LRRTM4: variants seen among roughly 807,000 people sequenced by gnomAD.
LRRTM4 encodes the protein leucine-rich repeat transmembrane neuronal protein 4.
LRRTM4 carries 25 observed loss-of-function variants against 47.6 expected under a neutral mutation model. That is an observed-to-expected ratio of 0.53 (90% CI 0.38 to 0.73). The LOEUF (loss-of-function observed/expected upper bound fraction) is 0.73. Among genes scored for constraint, LRRTM4 ranks in the 30% least tolerant of loss-of-function variants. LRRTM4 has a pLI of 0.00. For synonymous variants in LRRTM4, 311 were observed against 269.5 expected (o/e 1.15, Z -1.51); for missense variants, 638 against 713.4 (o/e 0.89, Z 1.20).
intron 3 of LRRTM4, among the ~76,000 whole-genome samples, chr2:77,262,144 G>C (rs1675934323): frequency 6.6e-6 from 1 of 152,060 alleles, no homozygotes; most frequent in Non-Finnish European, 1.5e-5. Context: ...CTACAGATGG[G>C]ACCGTCTAGT....
intron 3 of LRRTM4, among the ~76,000 whole-genome samples, chr2:77,213,899 A>G (rs1283560818): frequency 6.6e-6 from 1 of 152,100 alleles, no homozygotes; most frequent in East Asian, 1.9e-4. Flanking sequence ...ATATGGAATA[A>G]ATGTGGAACC....
chr2:77,503,877 T>G (rs988277900), intron 3 of LRRTM4, among the ~76,000 whole-genome samples: 5 of 151,628 alleles, frequency 3.3e-5, no homozygotes, highest in African/African-American at 9.7e-5. Context: ...TTTTAAAAAA[T>G]TATAAAATGT....
intron 3 of LRRTM4, among the ~76,000 whole-genome samples, chr2:77,478,541 A>T (rs1677526348): frequency 6.6e-6 from 1 of 152,212 alleles, no homozygotes. Flanking sequence ...AAATATTGAC[A>T]AACATTTAAT....
chr2:76,792,903 C>T (rs189811858), intron 3 of LRRTM4, among the ~76,000 whole-genome samples: 1 of 152,070 alleles, frequency 6.6e-6, no homozygotes, highest in East Asian at 1.9e-4. Flanking sequence ...TGAAAACCAT[C>T]GTTTCATATA....
At chr2:77,312,573 A>G (rs1438972802) in intron 3 of LRRTM4, among the ~76,000 whole-genome samples, 1 of 152,190 alleles carries the variant, frequency 6.6e-6, no homozygotes, top group Non-Finnish European at 1.5e-5. Flanking sequence ...TGAAACCTAT[A>G]CTTCAATTAG....
At chr2:77,089,184 C>G (rs185428836) in intron 3 of LRRTM4, among the ~76,000 whole-genome samples, 1 of 143,664 alleles carries the variant, frequency 7.0e-6, no homozygotes, top group Admixed American at 6.9e-5. Context: ...CTCTCCTTGT[C>G]TCTACCCCTT....
intron 3 of LRRTM4, among the ~76,000 whole-genome samples, chr2:77,480,724 C>A (rs1463557029): frequency 1.3e-5 from 2 of 151,390 alleles, no homozygotes; most frequent in Non-Finnish European, 2.9e-5. Context: ...ATGAGTCATG[C>A]AGCATCACTC....
At chr2:77,227,076 C>T (rs1237921279) in intron 3 of LRRTM4, among the ~76,000 whole-genome samples, 2 of 151,994 alleles carry the variant, frequency 1.3e-5, no homozygotes, top group Non-Finnish European at 1.5e-5. Context: ...AATAGCACTG[C>T]CACCTGGTTT....
chr2:76,773,618 T>A (rs1673811554), intron 3 of LRRTM4, among the ~76,000 whole-genome samples: 1 of 151,630 alleles, frequency 6.6e-6, no homozygotes, highest in Admixed American at 6.6e-5. Flanking sequence ...CAACTAAAAA[T>A]AAAAAATAAA....
intron 3 of LRRTM4, among the ~76,000 whole-genome samples, chr2:77,210,927 G>A (rs976645463): frequency 2.0e-5 from 3 of 152,094 alleles, no homozygotes; most frequent in Non-Finnish European, 2.9e-5. Context: ...GCTGAGCAAC[G>A]GGAGATGGAT....
At chr2:77,189,567 G>T (rs1373155828) in intron 3 of LRRTM4, among the ~76,000 whole-genome samples, 1 of 151,964 alleles carries the variant, frequency 6.6e-6, no homozygotes, top group Non-Finnish European at 1.5e-5. Context: ...TGTCAGATGA[G>T]GATTTGAGGA....
intron 3 of LRRTM4, among the ~76,000 whole-genome samples, chr2:77,110,824 A>G (rs890594922): frequency 1.1e-4 from 16 of 152,192 alleles, no homozygotes; most frequent in Admixed American, 2.6e-4. Flanking sequence ...AATATTATTA[A>G]AGATATAGCC....
chr2:77,070,549 T>TA (rs1371334294), intron 3 of LRRTM4, among the ~76,000 whole-genome samples: 1 of 152,236 alleles, frequency 6.6e-6, no homozygotes, highest in African/African-American at 2.4e-5. Flanking sequence ...CTCATTTTTC[T>TA]ATTTTCCCTT....
At chr2:77,307,479 T>C (rs1228067714) in intron 3 of LRRTM4, among the ~76,000 whole-genome samples, 1 of 147,442 alleles carries the variant, frequency 6.8e-6, no homozygotes, top group Non-Finnish European at 1.5e-5. Context: ...TTTATATACA[T>C]ACATAATACA....
At chr2:77,247,016 T>G (rs1675466858) in intron 3 of LRRTM4, among the ~76,000 whole-genome samples, 1 of 152,070 alleles carries the variant, frequency 6.6e-6, no homozygotes, top group African/African-American at 2.4e-5. Flanking sequence ...AAATTACTAT[T>G]TTTAATACTT....
At chr2:76,991,615 A>G (rs1048888664) in intron 3 of LRRTM4, among the ~76,000 whole-genome samples, 2 of 151,772 alleles carry the variant, frequency 1.3e-5, no homozygotes, top group African/African-American at 2.4e-5. Flanking sequence ...GCAGACTAAT[A>G]TTGAGTTCTG....
At chr2:77,113,950 C>T (rs941463365) in intron 3 of LRRTM4, among the ~76,000 whole-genome samples, 20 of 151,994 alleles carry the variant, frequency 1.3e-4, no homozygotes, top group African/African-American at 4.3e-4. Context: ...AGCGGCTCTT[C>T]GGGAAATAAA....
At chr2:76,835,563 A>G (rs1394445928) in intron 3 of LRRTM4, among the ~76,000 whole-genome samples, 3 of 152,064 alleles carry the variant, frequency 2.0e-5, no homozygotes, top group East Asian at 3.9e-4. Context: ...GATCATTTGA[A>G]GCAAAATAAA....
chr2:76,772,723 T>C (rs983219637), intron 3 of LRRTM4, among the ~76,000 whole-genome samples: 2 of 152,226 alleles, frequency 1.3e-5, no homozygotes, highest in Admixed American at 6.5e-5. Context: ...TTACTCTCAG[T>C]ATAGTACAAT....
Sources: gnomAD v4.1 joint callset for allele counts (sites outside exome capture counted in the v4.1 genomes callset) on GRCh38, gnomAD v4.1.1 for gene constraint, MANE v1.5 for transcripts, NCBI Gene and HGNC (gene_info 2026-07-23, HGNC 2026-07-21) for gene names.